Variants in AK9 observed in about 807,000 individuals in gnomAD.
The protein encoded by AK9 is adenylate kinase domain containing 1.
A neutral mutation model predicts 239.6 loss-of-function variants in AK9; 191 were observed. That is an observed-to-expected ratio of 0.80 (90% CI 0.71 to 0.90). AK9 has a LOEUF of 0.90. Among genes scored for constraint, AK9 ranks in the 40% least tolerant of loss-of-function variants. The probability of loss-of-function intolerance (pLI) is 0.00; values close to 1 mark genes in which losing one functional copy is unlikely to be tolerated. For synonymous variants in AK9, 689 were observed against 721.0 expected (o/e 0.96, Z 0.71); for missense variants, 1,995 against 2,214.7 (o/e 0.90, Z 1.99).
intron 24 of AK9, among the ~76,000 whole-genome samples, chr6:109,561,529 T>G (rs9487152): frequency 0.58 from 87,820 of 151,198 alleles, 27,125 homozygotes; most frequent in South Asian, 0.84. Context: ...GCCCAGGCTG[T>G]TCTTGAACTC....
intron 29 of AK9, among the ~76,000 whole-genome samples, chr6:109,520,574 G>A (rs1404079596): frequency 6.6e-6 from 1 of 151,968 alleles, no homozygotes; most frequent in Non-Finnish European, 1.5e-5. Flanking sequence ...TTTTTCTTGG[G>A]ATTGTTTTGG....
At chr6:109,660,870 T>C in intron 6 of AK9, 1 of 434,524 alleles carries the variant, frequency 2.3e-6, no homozygotes, top group Non-Finnish European at 4.5e-6. Context: ...TGGGTGCTGT[T>C]GGAACTGGGA....
At chr6:109,562,744 G>C (rs1374382380) in intron 24 of AK9, among the ~76,000 whole-genome samples, 1 of 96,294 alleles carries the variant, frequency 1.0e-5, no homozygotes, top group Non-Finnish European at 2.4e-5. Context: ...TCTGTGAATT[G>C]GGAGGGTTTT....
chr6:109,684,682 G>A (rs1457410757), intron 1 of AK9, among the ~76,000 whole-genome samples: 8 of 144,766 alleles, frequency 5.5e-5, no homozygotes, highest in Admixed American at 1.4e-4. Context: ...AGACCATCCC[G>A]GCTAAAATGG....
Position 109,509,392 on chromosome 6 carries a change from A to T in AK9, c.4280-12T>A, listed in dbSNP as rs1778448154. The T allele has an allele frequency of 6.5e-7, 1 of 1,541,226 alleles. No homozygotes were observed. Among genetic ancestry groups the T allele is most frequent in the African/African-American group, 1.4e-5 (1 of 72,500 alleles). On this transcript the variant is annotated splice_polypyrimidine_tract_variant and intron_variant, in intron 32 of 40. Transcript: ENST00000424296. ...AATTTTTTTGGCAACTGAAAAACAT[A>T]AAACTTTTAAATTAAATTAAATGAT...
chr6:109,608,684 C>A (rs1238931619), intron 17 of AK9, among the ~76,000 whole-genome samples: 1 of 152,006 alleles, frequency 6.6e-6, no homozygotes, highest in African/African-American at 2.4e-5. Flanking sequence ...TGAAACGGAA[C>A]ATGAAAAGCA....
At chr6:109,638,898 A>G (rs572240329) in intron 10 of AK9, among the ~76,000 whole-genome samples, 2 of 152,138 alleles carry the variant, frequency 1.3e-5, no homozygotes, top group African/African-American at 4.8e-5. Context: ...GAGAACATGC[A>G]GTGTTTGGTT....
At chr6:109,588,488 G>C (rs1028751137) in intron 17 of AK9, among the ~76,000 whole-genome samples, 2 of 152,104 alleles carry the variant, frequency 1.3e-5, no homozygotes, top group African/African-American at 4.8e-5. Flanking sequence ...GTAGATTCTG[G>C]ATATTAGCCC....
intron 13 of AK9, among the ~76,000 whole-genome samples, chr6:109,615,948 T>C (rs74447008): frequency 0.015 from 2,237 of 151,756 alleles, 59 homozygotes; most frequent in African/African-American, 0.052. Flanking sequence ...GTTATAAGAA[T>C]AATGAAACTA....
Position 109,680,349 on chromosome 6 carries a change from A to G in AK9, c.-11-4593T>C, listed in dbSNP as rs552287558. ...CCGAATCGATCAAGTGGAAGAAAGCATATCAGTGACTGAAGATCAACTTAA... is the reference window on the plus strand; with the variant it reads ...CCGAATCGATCAAGTGGAAGAAAGCGTATCAGTGACTGAAGATCAACTTAA... On this transcript the variant is annotated intron_variant, in intron 1 of 40. Coordinates refer to ENST00000424296, the MANE Select transcript of AK9 (RefSeq NM_001145128.3). Among the ~76,000 whole-genome samples, 4 of 152,304 alleles carry G rather than the reference A, an allele frequency of 2.6e-5. No homozygotes were observed. The South Asian group carries it at 6.2e-4, about 24-fold the overall frequency.
In AK9 at chr6:109,648,644, C is replaced by A. The variant is rs560772148; in HGVS notation, c.760-3956G>T. ...AGTCCAGGACCAGATGGATTCACAG[C>A]CAAATTCTACCAAAGGTACAAAGAG... On this transcript the variant is annotated intron_variant, in intron 8 of 40. Coordinates refer to ENST00000424296, the MANE Select transcript of AK9 (RefSeq NM_001145128.3). Among the ~76,000 whole-genome samples the A allele has an allele frequency of 3.3e-5, 5 of 152,258 alleles. No homozygotes were observed. The South Asian group carries it at 1.0e-3, about 32-fold the overall frequency.
intron 5 of AK9, 108 bp from the exon 6 acceptor site, chr6:109,662,771 C>A: frequency 2.3e-6 from 1 of 442,130 alleles, no homozygotes; most frequent in South Asian, 1.1e-4. Context: ...TTATACTCAT[C>A]TATCATAAAG....
rs761417883 is a variant in AK9 at position 109,542,125 on chromosome 6, C to T, written c.3272G>A (p.Ser1091Asn). ...LTEEEEVIKS[S>N]LMENEPLPPE... is the part of the protein sequence containing the mutation. ...AGGCAAGGGCTCATTTTCCATTAGA[C>T]TTGATTTGATTACTTCTTCTTCTTC... The change falls in exon 27 of 41, where the codon AGT becomes AAT. Residue 1091 changes from serine (S) to asparagine (N), a missense_variant. Around this residue, in one of 5 missense-constraint regions of AK9, gnomAD observed 1,290 missense variants for 1,392.7 expected, o/e 0.93. Transcript: ENST00000424296. 3 of 1,607,350 alleles carry T rather than the reference C, an allele frequency of 1.9e-6. No individual in the cohort carries two copies. The highest frequency in any genetic ancestry group is 1.1e-5 in the South Asian group (1 of 89,584).
At chr6:109,658,605 T>C (rs922149294) in intron 7 of AK9, among the ~76,000 whole-genome samples, 1 of 152,228 alleles carries the variant, frequency 6.6e-6, no homozygotes, top group Non-Finnish European at 1.5e-5. Flanking sequence ...TAGATGAAAA[T>C]AGAACATGTC....
chr6:109,633,243 T>C lies in AK9; in HGVS notation c.1014A>G (p.Thr338=), dbSNP rs557222177. ...YRWQRSKWGR[T]CPVNLKDGNI... ...TACCATCTTTTAAATTCACAGGACA[T>C]GTACGTCCCCATTTACTTCTTTGCC... is the stretch of plus-strand genomic sequence containing the variant. Residue 338 remains threonine, a synonymous_variant, in exon 11 of 41, where the codon ACA becomes ACG. Coordinates refer to ENST00000424296, the MANE Select transcript of AK9 (RefSeq NM_001145128.3). The C allele has an allele frequency of 1.2e-6, 2 of 1,609,802 alleles. No individual in the cohort carries two copies. Among genetic ancestry groups the C allele is most frequent in the South Asian group, 1.1e-5 (1 of 89,538 alleles).
chr6:109,604,157 C>G (rs536459269), intron 17 of AK9, among the ~76,000 whole-genome samples: 1 of 152,146 alleles, frequency 6.6e-6, no homozygotes, highest in Non-Finnish European at 1.5e-5. Flanking sequence ...CCATCCTCTG[C>G]GTCATTCACG....
At chr6:109,680,257 T>C (rs1364397328) in intron 1 of AK9, among the ~76,000 whole-genome samples, 1 of 152,022 alleles carries the variant, frequency 6.6e-6, no homozygotes, top group African/African-American at 2.4e-5. Flanking sequence ...GAGAAGAACA[T>C]AAATGACCTG....
Position 109,684,914 on chromosome 6 carries a change from T to G in AK9, c.-12+6233A>C, listed in dbSNP as rs1010506033. Among the ~76,000 whole-genome samples, 199 of 69,502 alleles carry G rather than the reference T, an allele frequency of 2.9e-3. 2 individuals carry two copies. The highest frequency in any genetic ancestry group is 1.5e-3 in the Non-Finnish European group (51 of 33,274). The allele number at this position is 69,502 out of a possible 152,430, so 45.6% of individuals were successfully genotyped here. A position where few individuals can be genotyped will look rare whatever the true frequency, so the allele number is the denominator to read the frequency against. ...AAAAAAAAAAAAAAAAAAAAAAAAG[T>G]AGGCAAAGGATATGAACAGACACTT... is the stretch of plus-strand genomic sequence containing the variant. On this transcript the variant is annotated intron_variant, in intron 1 of 40. Transcript: ENST00000424296.
At chr6:109,643,040 A>G (rs2128289828) in intron 9 of AK9, among the ~76,000 whole-genome samples, 1 of 152,312 alleles carries the variant, frequency 6.6e-6, no homozygotes, top group African/African-American at 2.4e-5. Context: ...GGGGTCCTGC[A>G]ACACTGCAGG....
Sources: gnomAD v4.1 joint callset for allele counts (sites outside exome capture counted in the v4.1 genomes callset) on GRCh38, gnomAD v4.1.1 for gene constraint, gnomAD v4.1.1 regional missense constraint, MANE v1.5 for transcripts, NCBI Gene and HGNC (gene_info 2026-07-23, HGNC 2026-07-21) for gene names.